The following BCL7A variants were observed in gnomAD, a reference collection of about 807,000 sequenced individuals.
BCL7A encodes the protein B-cell CLL/lymphoma 7 protein family member A.
A neutral mutation model predicts 28.4 loss-of-function variants in BCL7A; 11 were observed. The ratio of observed to expected loss-of-function variants is 0.39; its 90% confidence interval spans 0.24 to 0.64. The LOEUF (loss-of-function observed/expected upper bound fraction) is 0.64, where lower values mean the gene tolerates loss of function less well. BCL7A is among the 30% of genes least tolerant of loss of function. BCL7A has a pLI of 0.50. For synonymous variants in BCL7A, 123 were observed against 103.3 expected, an observed-to-expected ratio of 1.19 and a Z score of -1.15; for missense variants, 222 against 274.8, an observed-to-expected ratio of 0.81 and a Z score of 1.36.
intron 4 of BCL7A, among the ~76,000 whole-genome samples, chr12:122,051,854 TTC>T (rs1202518506): frequency 6.8e-6 from 1 of 147,840 alleles, no homozygotes; most frequent in Non-Finnish European, 1.5e-5. Flanking sequence ...ATAACATGAT[TTC>T]TCTCTCTCTC....
At chr12:122,039,357 G>A (rs951710768) in intron 3 of BCL7A, among the ~76,000 whole-genome samples, 1 of 148,666 alleles carries the variant, frequency 6.7e-6, no homozygotes, top group African/African-American at 2.5e-5. Flanking sequence ...GCAGGTTGTG[G>A]TGATGCGCAC....
intron 3 of BCL7A, among the ~76,000 whole-genome samples, chr12:122,040,819 C>T (rs1883950595): frequency 6.6e-6 from 1 of 152,040 alleles, no homozygotes; most frequent in Admixed American, 6.6e-5. Context: ...CTTTAGTCCA[C>T]AAGACTCAGC....
intron 4 of BCL7A, among the ~76,000 whole-genome samples, chr12:122,045,780 G>A (rs559652627): frequency 9.9e-5 from 15 of 152,054 alleles, no homozygotes; most frequent in East Asian, 3.9e-4. Flanking sequence ...ATGTCAGCAC[G>A]TGTCTTTTAA....
intron 3 of BCL7A, among the ~76,000 whole-genome samples, chr12:122,040,257 G>T (rs944066828): frequency 6.6e-6 from 1 of 152,176 alleles, no homozygotes; most frequent in African/African-American, 2.4e-5. Context: ...GTGGCTGGCC[G>T]TGGTGGCTCA....
At position 122,021,943 on chromosome 12, in the gene BCL7A, T is replaced by TGTGTGTGTGTGTGTGA; in HGVS notation, c.-141_-126dup. 1 of 572,418 alleles carries TGTGTGTGTGTGTGTGA rather than the reference T, an allele frequency of 1.7e-6. No homozygotes were observed. Among genetic ancestry groups the TGTGTGTGTGTGTGTGA allele is most frequent in the Admixed American group, 2.7e-5 (1 of 36,554 alleles). The allele number at this position is 572,418 out of a possible 1,614,324, so 35.5% of individuals were successfully genotyped here. On this transcript the variant is annotated 5_prime_UTR_variant, in exon 1 of 6. Coordinates refer to ENST00000261822, the MANE Select transcript of BCL7A (RefSeq NM_001024808.3). ...GTGTGTGTGTGTATGTGTGTGTGTG[T>TGTGTGTGTGTGTGTGA]GTGTGTGTGTGTGTGAGTGTGTGCG...
At chr12:122,043,714 T>C (rs1884006210) in intron 3 of BCL7A, among the ~76,000 whole-genome samples, 172 bp from the exon 4 acceptor site, 1 of 150,634 alleles carries the variant, frequency 6.6e-6, no homozygotes, top group African/African-American at 2.5e-5. Context: ...TCCAGCCTGG[T>C]TGACAGAGCG....
chr12:122,030,855 C>T, intron 2 of BCL7A, 74 bp downstream of exon 2: 1 of 1,417,386 alleles, frequency 7.1e-7, no homozygotes. Context: ...GGGAGATTGT[C>T]CACTGCTACC....
At chr12:122,027,658 T>C (rs949667514) in intron 1 of BCL7A, among the ~76,000 whole-genome samples, 1 of 151,996 alleles carries the variant, frequency 6.6e-6, no homozygotes, top group Non-Finnish European at 1.5e-5. Flanking sequence ...GCCAACATGG[T>C]GAAACCCGTC....
intron 1 of BCL7A, among the ~76,000 whole-genome samples, chr12:122,026,827 T>C (rs1173600816): frequency 6.6e-6 from 1 of 152,188 alleles, no homozygotes; most frequent in Non-Finnish European, 1.5e-5. Context: ...TCTTGTTGGC[T>C]AACCCTTGGA....
At chr12:122,056,450 G>T (rs959180712) in intron 5 of BCL7A, among the ~76,000 whole-genome samples, 1 of 152,084 alleles carries the variant, frequency 6.6e-6, no homozygotes, top group Non-Finnish European at 1.5e-5. Flanking sequence ...ACAGAGCTAG[G>T]TGTGTGAGTG....
chr12:122,036,771 G>A (rs1191291653), intron 3 of BCL7A, among the ~76,000 whole-genome samples: 7 of 151,374 alleles, frequency 4.6e-5, no homozygotes, highest in South Asian at 2.1e-4. Context: ...GCAGTGGTGC[G>A]ATCTCAGCTC....
intron 2 of BCL7A, among the ~76,000 whole-genome samples, chr12:122,032,289 C>G (rs763178478): frequency 6.6e-6 from 1 of 152,218 alleles, no homozygotes; most frequent in Non-Finnish European, 1.5e-5. Context: ...ACCAGGGCTG[C>G]TTTCCCCAAA....
intron 3 of BCL7A, among the ~76,000 whole-genome samples, chr12:122,040,532 CAAAA>C (rs1021397193): frequency 1.7e-5 from 1 of 59,746 alleles, no homozygotes; most frequent in Admixed American, 2.0e-4. Context: ...GCCGTGTCTC[CAAAA>C]AAAAAAAAAA....
intron 4 of BCL7A, among the ~76,000 whole-genome samples, chr12:122,051,650 G>A (rs1181455786): frequency 1.3e-5 from 2 of 152,020 alleles, no homozygotes; most frequent in African/African-American, 4.8e-5. Flanking sequence ...GTGAGTCTCT[G>A]GGTGACTGGC....
chr12:122,025,331 A>G (rs1883598069), intron 1 of BCL7A, among the ~76,000 whole-genome samples: 1 of 151,540 alleles, frequency 6.6e-6, no homozygotes, highest in African/African-American at 2.4e-5. Context: ...AAAAAAAGAA[A>G]AAGAAAAAAA....
intron 4 of BCL7A, among the ~76,000 whole-genome samples, chr12:122,045,366 G>A (rs1327237074): frequency 2.0e-5 from 3 of 152,232 alleles, no homozygotes; most frequent in East Asian, 1.9e-4. Flanking sequence ...GGGCGATAGA[G>A]CAAGACTCTG....
chr12:122,022,852 G>C (rs1883500063), intron 1 of BCL7A, among the ~76,000 whole-genome samples: 1 of 151,952 alleles, frequency 6.6e-6, no homozygotes, highest in South Asian at 2.1e-4. Flanking sequence ...GGGAGCCAGC[G>C]GCCAGGGGCG....
rs144915314 is a variant in BCL7A, at chr12:122,043,989, C to T, written c.375C>T (p.Ser125=). ...CAGAGCCCAACTCGGCTGTGCCCAG[C>T]GACGGCACCGAGGCCAAGGTGGATG... ...PAPEPNSAVP[S]DGTEAKVDEA... The change falls in exon 4 of 6, where the codon AGC becomes AGT. Residue 125 remains serine (S), a synonymous_variant. Transcript: ENST00000261822. The T allele has an allele frequency of 1.0e-4, 161 of 1,613,872 alleles. 1 individual carries two copies. Among genetic ancestry groups the T allele is most frequent in the South Asian group, 5.1e-4 (46 of 91,076 alleles).
chr12:122,038,443 A>AAAAAAAAAAG (rs1883901636), intron 3 of BCL7A, among the ~76,000 whole-genome samples: 1 of 150,328 alleles, frequency 6.7e-6, no homozygotes, highest in Non-Finnish European at 1.5e-5. Flanking sequence ...AAAAAAAAAA[A>AAAAAAAAAAG]AAAAAAAAAA....
Sources: allele counts gnomAD v4.1 joint callset (sites outside exome capture counted in the v4.1 genomes callset), GRCh38; gene constraint gnomAD v4.1.1; transcripts MANE v1.5; gene names NCBI Gene and HGNC (gene_info 2026-07-23, HGNC 2026-07-21).